The following ROCK1 variants were observed in gnomAD, a reference collection of about 807,000 sequenced individuals.
The protein encoded by ROCK1 is Rho associated coiled-coil containing protein kinase 1.
In ROCK1, 36 loss-of-function variants were observed where a neutral mutation model predicts 196.8. That is an observed-to-expected ratio of 0.18 (90% CI 0.14 to 0.24). The LOEUF (loss-of-function observed/expected upper bound fraction) is 0.24. Among genes scored for constraint, ROCK1 ranks in the 10% least tolerant of loss-of-function variants. The pLI is 1.00. For missense variants in ROCK1, 920 were observed against 1,562.0 expected (o/e 0.59, Z 6.93); for synonymous variants, 443 against 515.9 (o/e 0.86, Z 1.91).
In ROCK1 at chr18:20,991,118, A is replaced by T. The variant is rs2035621443; in HGVS notation, c.2143+58T>A. ...AGTACAAAATTTTGACCAAAACCAA[A>T]TTTTTTCTAGTCACTATTTAAAGTC... On this transcript the variant is annotated intron_variant, in intron 18 of 32. Coordinates refer to ENST00000399799, the MANE Select transcript of ROCK1 (RefSeq NM_005406.3). 3 of 1,491,480 alleles carry T rather than the reference A, an allele frequency of 2.0e-6. No homozygotes were observed. In the African/African-American group the frequency reaches 4.2e-5, roughly 21 times the overall value. 92.4% of individuals were successfully genotyped at this position (1,491,480 alleles called of 1,614,324 possible).
At chr18:21,081,713 GAAT>G (rs2036484062) in intron 1 of ROCK1, among the ~76,000 whole-genome samples, 1 of 152,006 alleles carries the variant, frequency 6.6e-6, no homozygotes, top group African/African-American at 2.4e-5. Context: ...AATTGTAATA[GAAT>G]ATTATGAACA....
chr18:21,093,685 G>A (rs1300433282), intron 1 of ROCK1, among the ~76,000 whole-genome samples: 2 of 152,072 alleles, frequency 1.3e-5, no homozygotes, highest in Non-Finnish European at 2.9e-5. Context: ...CAGGCACGAT[G>A]GCTTACATCT....
At chr18:21,001,734 T>G (rs1258888161) in intron 16 of ROCK1, among the ~76,000 whole-genome samples, 1 of 149,714 alleles carries the variant, frequency 6.7e-6, no homozygotes, top group Non-Finnish European at 1.5e-5. Flanking sequence ...CACTGCACTG[T>G]AGCCTGGGTG....
chr18:21,076,323 G>T (rs1424130533), intron 1 of ROCK1, among the ~76,000 whole-genome samples: 2 of 152,082 alleles, frequency 1.3e-5, no homozygotes, highest in African/African-American at 4.8e-5. Flanking sequence ...GGCTAATACG[G>T]TGAAACCCCG....
rs2143407982 is a variant in ROCK1, at chr18:20,991,309, C to T, written c.2010G>A (p.Glu670=). The T allele has an allele frequency of 4.4e-6, 7 of 1,597,218 alleles. No homozygotes were observed. The highest frequency in any genetic ancestry group is 6.0e-6 in the Non-Finnish European group (7 of 1,168,986). The change falls in exon 18 of 33, where the codon GAG becomes GAA. Residue 670 remains glutamate (E), a synonymous_variant. Transcript: ENST00000399799. ...NHSEKEKNNL[E]IDLNYKLKSL... ...ATTTAAGTTTGTAGTTTAAATCTAT[C>T]TCTAAATTATTCTTTTCCTGTAAAA...
intron 2 of ROCK1, among the ~76,000 whole-genome samples, chr18:21,061,530 G>A (rs1360928891): frequency 1.3e-5 from 2 of 152,186 alleles, no homozygotes; most frequent in African/African-American, 2.4e-5. Context: ...GAACTGTTCC[G>A]AATGGTATTG....
chr18:20,971,218 T>A (rs1297914691), intron 22 of ROCK1, among the ~76,000 whole-genome samples: 2 of 151,800 alleles, frequency 1.3e-5, no homozygotes, highest in Non-Finnish European at 2.9e-5. Flanking sequence ...ATGTTCTGAA[T>A]GAGTAACTTC....
chr18:21,091,988 A>G (rs1425406399), intron 1 of ROCK1, among the ~76,000 whole-genome samples: 1 of 152,048 alleles, frequency 6.6e-6, no homozygotes, highest in Non-Finnish European at 1.5e-5. Context: ...TCAAAAAATA[A>G]ATAAAATAAA....
At position 20,991,415 on chromosome 18, in the gene ROCK1, T is replaced by C. The variant is rs573112904; in HGVS notation, c.1993-89A>G. On this transcript the variant is annotated intron_variant, in intron 17 of 32. Coordinates refer to ENST00000399799, the MANE Select transcript of ROCK1 (RefSeq NM_005406.3). Reference sequence around the variant, plus strand: ...TACATTTAATATTCTGGAAGAGATATGATGCCTTATTTTAAAAATCACAAT... The same window carrying C: ...TACATTTAATATTCTGGAAGAGATACGATGCCTTATTTTAAAAATCACAAT... The C allele has an allele frequency of 5.9e-6, 5 of 845,672 alleles. No homozygotes were observed. In the East Asian group the frequency reaches 1.1e-4, roughly 19 times the overall value. 52.4% of individuals were successfully genotyped at this position (845,672 alleles called of 1,614,324 possible).
At position 21,110,950 on chromosome 18, in the gene ROCK1, C is replaced by T. The variant is rs7237731; in HGVS notation, c.-40G>A. 2.0e-4 allele frequency: 309 copies of T among 1,540,722 alleles called. 1 individual carries two copies. The African/African-American group carries it at 3.5e-3, about 18-fold the overall frequency. ...GACAATGCCCTCTTACCAGCACCAG[C>T]AGCGGAAAGCAATTTCAACCAACTT... On this transcript the variant is annotated 5_prime_UTR_variant, in exon 1 of 33. Transcript: ENST00000399799.
intron 1 of ROCK1, among the ~76,000 whole-genome samples, chr18:21,097,578 T>A (rs1212869313): frequency 1.3e-5 from 2 of 152,224 alleles, no homozygotes; most frequent in African/African-American, 4.8e-5. Flanking sequence ...AGGTAACTTG[T>A]CCAAGATTAC....
intron 2 of ROCK1, among the ~76,000 whole-genome samples, chr18:21,061,237 C>T (rs2036287604): frequency 6.6e-6 from 1 of 152,020 alleles, no homozygotes; most frequent in Admixed American, 6.6e-5. Flanking sequence ...TGCCACCATA[C>T]CCGGCTAATT....
chr18:21,065,333 A>ATAGT (rs746624871), intron 2 of ROCK1, among the ~76,000 whole-genome samples: 2 of 152,144 alleles, frequency 1.3e-5, no homozygotes, highest in African/African-American at 2.4e-5. Flanking sequence ...TATAAAAGAT[A>ATAGT]TAGTATATGA....
At chr18:21,087,629 A>C (rs1470777340) in intron 1 of ROCK1, among the ~76,000 whole-genome samples, 1 of 152,216 alleles carries the variant, frequency 6.6e-6, no homozygotes, top group East Asian at 1.9e-4. Flanking sequence ...AAGGCACAAT[A>C]ATCTGAACCA....
At chr18:20,996,560 C>T (rs1316557814) in intron 16 of ROCK1, among the ~76,000 whole-genome samples, 1 of 151,976 alleles carries the variant, frequency 6.6e-6, no homozygotes, top group African/African-American at 2.4e-5. Context: ...TATTCAAGCA[C>T]AAGAAGGTTC....
chr18:20,993,255 G>C (rs2035642047), intron 16 of ROCK1, among the ~76,000 whole-genome samples: 1 of 152,180 alleles, frequency 6.6e-6, no homozygotes, highest in Non-Finnish European at 1.5e-5. Flanking sequence ...CCAGGCTGGA[G>C]TGCAGTGGCA....
rs2036112847 is a variant in ROCK1, at chr18:21,042,168, T to G, written c.888A>C (p.Ser296=). Residue 296 remains serine, a synonymous_variant, in exon 8 of 33, where the codon TCA becomes TCC. Coordinates refer to ENST00000399799, the MANE Select transcript of ROCK1 (RefSeq NM_005406.3). ...TYSKIMNHKN[S]LTFPDDNDIS... is the part of the protein sequence containing the mutation. ...TGTCATTATCATCAGGAAAGGTAAG[T>G]GAATTTTTATGGTTCATAATTTTAC... The G allele has an allele frequency of 6.2e-7, 1 of 1,606,402 alleles. No homozygotes were observed. Among genetic ancestry groups the G allele is most frequent in the African/African-American group, 1.3e-5 (1 of 74,592 alleles).
chr18:20,992,229 A>AT (rs2035632754), intron 17 of ROCK1, among the ~76,000 whole-genome samples: 1 of 152,224 alleles, frequency 6.6e-6, no homozygotes, highest in African/African-American at 2.4e-5. Flanking sequence ...AAAGGACAAG[A>AT]TAAGTAGTGG....
intron 4 of ROCK1, among the ~76,000 whole-genome samples, chr18:21,046,247 C>G (rs2036157500): frequency 6.6e-6 from 1 of 152,126 alleles, no homozygotes; most frequent in African/African-American, 2.4e-5. Flanking sequence ...TAGTAATTTG[C>G]TTAACCTACC....
Sources: gnomAD v4.1 joint callset for allele counts (sites outside exome capture counted in the v4.1 genomes callset) on GRCh38, gnomAD v4.1.1 for gene constraint, MANE v1.5 for transcripts, NCBI Gene and HGNC (gene_info 2026-07-23, HGNC 2026-07-21) for gene names.